The following HCN1 variants were observed in gnomAD, a reference collection of about 807,000 sequenced individuals.
HCN1 encodes hyperpolarization activated cyclic nucleotide gated potassium channel 1, also known as potassium/sodium hyperpolarization-activated cyclic nucleotide-gated channel 1.
Under a neutral mutation model 78.9 loss-of-function variants are expected in HCN1, and 13 were observed. That is an observed-to-expected ratio of 0.16 (90% CI 0.11 to 0.26). The LOEUF is 0.26. HCN1 is among the 10% of genes least tolerant of loss of function. The pLI is 1.00. For missense variants in HCN1, 810 were observed against 1,154.3 expected (o/e 0.70, Z 4.32); for synonymous variants, 552 against 455.5 (o/e 1.21, Z -2.70).
At chr5:45,451,192 A>C (rs1322132519) in intron 3 of HCN1, among the ~76,000 whole-genome samples, 1 of 152,104 alleles carries the variant, frequency 6.6e-6, no homozygotes, top group Non-Finnish European at 1.5e-5. Flanking sequence ...CTGTCTCTAC[A>C]TCTCTCATTT....
chr5:45,668,266 G>T (rs1386495728), intron 1 of HCN1, among the ~76,000 whole-genome samples: 1 of 151,818 alleles, frequency 6.6e-6, no homozygotes, highest in African/African-American at 2.4e-5. Flanking sequence ...TAATCCCCGT[G>T]TGTGGAAGGA....
intron 5 of HCN1, among the ~76,000 whole-genome samples, chr5:45,323,235 TA>T (rs1006101261): frequency 6.6e-6 from 1 of 151,854 alleles, no homozygotes; most frequent in African/African-American, 2.4e-5. Context: ...GAAGACTTGA[TA>T]AAAAAATGAA....
rs993603057 is a variant in HCN1, at chr5:45,592,390, T to C, written c.849+52795A>G. Reference sequence around the variant, plus strand: ...GAACACTAATAGGGAGCTCATTATTTGATTGGCTTTTGATATTAGCATAAT... The same window carrying C: ...GAACACTAATAGGGAGCTCATTATTCGATTGGCTTTTGATATTAGCATAAT... On this transcript the variant is annotated intron_variant, in intron 2 of 7. Coordinates refer to ENST00000303230, the MANE Select transcript of HCN1 (RefSeq NM_021072.4). Among the ~76,000 whole-genome samples the C allele has an allele frequency of 3.3e-5, 5 of 152,296 alleles. No homozygotes were observed. The South Asian group carries it at 1.0e-3, about 32-fold the overall frequency.
At chr5:45,489,609 C>T (rs1048325206) in intron 2 of HCN1, among the ~76,000 whole-genome samples, 4 of 152,076 alleles carry the variant, frequency 2.6e-5, no homozygotes, top group African/African-American at 7.2e-5. Context: ...CTTAGCTTCT[C>T]GTTAGCCAGA....
chr5:45,370,424 C>G (rs1292008246), intron 4 of HCN1, among the ~76,000 whole-genome samples: 1 of 151,852 alleles, frequency 6.6e-6, no homozygotes, highest in Non-Finnish European at 1.5e-5. Context: ...GGCATATATT[C>G]AACATACTGT....
chr5:45,446,290 G>C (rs1233197945), intron 3 of HCN1, among the ~76,000 whole-genome samples: 2 of 152,188 alleles, frequency 1.3e-5, no homozygotes, highest in Non-Finnish European at 2.9e-5. Context: ...GGGTATGAGT[G>C]ACGGAAGATC....
chr5:45,511,501 G>T (rs763864664), intron 2 of HCN1, among the ~76,000 whole-genome samples: 7 of 152,020 alleles, frequency 4.6e-5, no homozygotes, highest in Non-Finnish European at 1.0e-4. Context: ...AATATTCAGA[G>T]AATGTACCCT....
At position 45,262,413 on chromosome 5, in the gene HCN1, C is replaced by T. The variant is rs2111839271; in HGVS notation, c.2181G>A (p.Leu727=). The T allele has an allele frequency of 1.2e-6, 2 of 1,611,530 alleles. No homozygotes were observed. The highest frequency in any genetic ancestry group is 1.3e-5 in the African/African-American group (1 of 75,010). The change falls in exon 8 of 8, where the codon CTG becomes CTA. Residue 727 remains leucine, a synonymous_variant. Coordinates refer to ENST00000303230, the MANE Select transcript of HCN1 (RefSeq NM_021072.4). ...GCTGCGGCTGCTGTTGCATGAGTGA[C>T]AGCTGGGAGGCGGTGGGGGAGGCAT... ...FHYASPTASQ[L]SLMQQQPQQQ... is the part of the protein sequence containing the mutation.
intron 2 of HCN1, among the ~76,000 whole-genome samples, chr5:45,611,174 C>G (rs1466337499): frequency 6.6e-6 from 1 of 151,438 alleles, no homozygotes; most frequent in Non-Finnish European, 1.5e-5. Context: ...ACTCAGCCCC[C>G]CAAGTAGCTG....
rs10696140 is a variant in HCN1, at chr5:45,386,179, A to ATTT, written c.1230+10310_1230+10312dup. ...GTTCCTCCTTCTTGCTTGCTTATAG[A>ATTT]TTTTTTTTTTTTTTTGGACAGGGCC... On this transcript the variant is annotated intron_variant, in intron 4 of 7. Transcript: ENST00000303230. Among the ~76,000 whole-genome samples the ATTT allele has an allele frequency of 1.0e-2, 1,378 of 137,908 alleles. 29 individuals are homozygous for ATTT. The highest frequency in any genetic ancestry group is 0.038 in the Admixed American group (504 of 13,438). The allele number at this position is 137,908 out of a possible 152,430, so 90.5% of individuals were successfully genotyped here. A position where few individuals can be genotyped will look rare whatever the true frequency, so the allele number is the denominator to read the frequency against.
chr5:45,631,540 G>A (rs1484113803), intron 2 of HCN1, among the ~76,000 whole-genome samples: 2 of 151,812 alleles, frequency 1.3e-5, no homozygotes, highest in African/African-American at 2.4e-5. Context: ...AGATATTTTT[G>A]CCTGCATGAT....
At chr5:45,340,952 T>C (rs1455840318) in intron 5 of HCN1, among the ~76,000 whole-genome samples, 1 of 152,230 alleles carries the variant, frequency 6.6e-6, no homozygotes, top group Non-Finnish European at 1.5e-5. Context: ...ATTTGGGGCA[T>C]CATTTCCATA....
chr5:45,613,816 A>C (rs1315707742), intron 2 of HCN1, among the ~76,000 whole-genome samples: 3 of 152,120 alleles, frequency 2.0e-5, no homozygotes, highest in Non-Finnish European at 4.4e-5. Flanking sequence ...AGAAAAAAAA[A>C]CTTGCCATAT....
intron 5 of HCN1, among the ~76,000 whole-genome samples, chr5:45,345,746 A>C (rs927214900): frequency 6.6e-6 from 1 of 152,192 alleles, no homozygotes; most frequent in Non-Finnish European, 1.5e-5. Flanking sequence ...AGTCTCTAGG[A>C]AGTTCCAAAC....
At chr5:45,361,639 T>G (rs1747111798) in intron 4 of HCN1, among the ~76,000 whole-genome samples, 1 of 152,184 alleles carries the variant, frequency 6.6e-6, no homozygotes, top group Non-Finnish European at 1.5e-5. Flanking sequence ...CCAATACAAA[T>G]AGTCATTTGC....
At chr5:45,400,972 C>T (rs1739785748) in intron 3 of HCN1, among the ~76,000 whole-genome samples, 1 of 152,124 alleles carries the variant, frequency 6.6e-6, no homozygotes, top group Admixed American at 6.6e-5. Flanking sequence ...CTGTTGTTCA[C>T]ATAACTATGT....
chr5:45,438,589 C>CA (rs60699282), intron 3 of HCN1, among the ~76,000 whole-genome samples: 3,141 of 95,468 alleles, frequency 0.033, 78 homozygotes, highest in African/African-American at 0.084. Flanking sequence ...GACTCCGTCT[C>CA]AAAAAAAAAA....
At chr5:45,496,437 G>A (rs1456204583) in intron 2 of HCN1, among the ~76,000 whole-genome samples, 1 of 152,078 alleles carries the variant, frequency 6.6e-6, no homozygotes, top group African/African-American at 2.4e-5. Context: ...AGTTTCAGAA[G>A]GAATGGTAGC....
chr5:45,391,095 A>G (rs1331581981), intron 4 of HCN1, among the ~76,000 whole-genome samples: 1 of 151,702 alleles, frequency 6.6e-6, no homozygotes, highest in Admixed American at 6.6e-5. Flanking sequence ...AAAATTTTTG[A>G]CTAAGGTACT....
Sources: allele counts gnomAD v4.1 joint callset (sites outside exome capture counted in the v4.1 genomes callset), GRCh38; gene constraint gnomAD v4.1.1; transcripts MANE v1.5; gene names NCBI Gene and HGNC (gene_info 2026-07-23, HGNC 2026-07-21).